The following GRID2 variants were observed in gnomAD, a reference collection of about 807,000 sequenced individuals.
The protein encoded by GRID2 is glutamate ionotropic receptor delta type subunit 2.
In GRID2, 33 loss-of-function variants were observed where a neutral mutation model predicts 114.8. The observed-to-expected ratio is 0.29, with a 90% CI of 0.22 to 0.38. GRID2 has a LOEUF of 0.38. Ranked by LOEUF, GRID2 falls within the 10% of genes least tolerant of loss-of-function variation. The pLI, the probability that GRID2 is intolerant of heterozygous loss-of-function variation, is 1.00. For missense variants in GRID2, 1,184 were observed against 1,257.7 expected (o/e 0.94, Z 0.89); for synonymous variants, 505 against 449.9 (o/e 1.12, Z -1.55).
Position 93,748,950 on chromosome 4 carries a change from C to T in GRID2, c.2361-20260C>T, listed in dbSNP as rs1225000244. On this transcript the variant is annotated intron_variant, in intron 14 of 15. Transcript: ENST00000282020. ...GTAATAAATGTTAAGCAAACCAGAGCCACCATTGCATAGGTAGGGGTATTC... is the reference window on the plus strand; with the variant it reads ...GTAATAAATGTTAAGCAAACCAGAGTCACCATTGCATAGGTAGGGGTATTC... Among the ~76,000 whole-genome samples the T allele has an allele frequency of 5.9e-5, 9 of 152,204 alleles. No homozygotes were observed. In the East Asian group the frequency reaches 1.7e-3, roughly 29 times the overall value.
chr4:93,247,368 A>G (rs1198027847), intron 8 of GRID2, among the ~76,000 whole-genome samples: 3 of 152,116 alleles, frequency 2.0e-5, no homozygotes, highest in Non-Finnish European at 2.9e-5. Context: ...AGATTACCTC[A>G]CCCATACGGA....
At chr4:92,472,666 C>G (rs1209278646) in intron 1 of GRID2, among the ~76,000 whole-genome samples, 3 of 152,078 alleles carry the variant, frequency 2.0e-5, no homozygotes, top group African/African-American at 7.2e-5. Flanking sequence ...ATTTGCATCT[C>G]CCTAATGACA....
chr4:93,715,928 C>T (rs1338485000), intron 14 of GRID2, among the ~76,000 whole-genome samples: 1 of 152,160 alleles, frequency 6.6e-6, no homozygotes, highest in Admixed American at 6.6e-5. Flanking sequence ...ATTTCTTTCT[C>T]TTGCCTAATT....
chr4:93,072,273 A>C (rs1255441136), intron 2 of GRID2, among the ~76,000 whole-genome samples: 1 of 152,182 alleles, frequency 6.6e-6, no homozygotes, highest in Non-Finnish European at 1.5e-5. Flanking sequence ...AGAGAGACAG[A>C]ACACAAAACA....
At chr4:93,405,480 C>A (rs1766321250) in intron 9 of GRID2, among the ~76,000 whole-genome samples, 1 of 152,078 alleles carries the variant, frequency 6.6e-6, no homozygotes. Flanking sequence ...AACCTGAATT[C>A]TTAGACTAAT....
chr4:92,904,918 A>G (rs1747840168), intron 2 of GRID2, among the ~76,000 whole-genome samples: 1 of 152,068 alleles, frequency 6.6e-6, no homozygotes, highest in Non-Finnish European at 1.5e-5. Flanking sequence ...ATAGTAGATC[A>G]TGTTAATCTA....
exon 2 of GRID2, chr4:93,809,981 T>A (rs1229226700): frequency 6.6e-6 from 1 of 152,296 alleles, no homozygotes; most frequent in African/African-American, 2.4e-5. Flanking sequence ...GAAGAAAAGC[T>A]GTTGCTGAAA....
intron 13 of GRID2, among the ~76,000 whole-genome samples, chr4:93,583,369 A>T (rs996077260): frequency 6.6e-6 from 1 of 152,044 alleles, no homozygotes; most frequent in Non-Finnish European, 1.5e-5. Context: ...AATAACAGCA[A>T]ATCATTAGCT....
chr4:92,916,339 T>G (rs1309058817), intron 2 of GRID2, among the ~76,000 whole-genome samples: 2 of 152,182 alleles, frequency 1.3e-5, no homozygotes, highest in South Asian at 4.1e-4. Context: ...GATCATTGTC[T>G]CTGTAATTTT....
intron 8 of GRID2, among the ~76,000 whole-genome samples, chr4:93,311,591 C>T (rs1332822345): frequency 6.6e-6 from 1 of 152,146 alleles, no homozygotes; most frequent in Non-Finnish European, 1.5e-5. Context: ...GTACTGGTTA[C>T]TGGGAGAGAG....
chr4:92,879,899 G>A (rs1040239568), intron 2 of GRID2, among the ~76,000 whole-genome samples: 1 of 152,120 alleles, frequency 6.6e-6, no homozygotes, highest in African/African-American at 2.4e-5. Context: ...ATAGTGCTCC[G>A]AATTAATGAA....
intron 1 of GRID2, among the ~76,000 whole-genome samples, chr4:92,560,272 C>T (rs995534298): frequency 6.6e-5 from 10 of 152,128 alleles, no homozygotes; most frequent in Admixed American, 2.6e-4. Flanking sequence ...AGATAGCCTC[C>T]CATTAGAACC....
chr4:93,083,359 G>T (rs1730044733), intron 2 of GRID2, among the ~76,000 whole-genome samples: 1 of 151,954 alleles, frequency 6.6e-6, no homozygotes, highest in African/African-American at 2.4e-5. Flanking sequence ...TAGAACATAT[G>T]ATTTTTGCTA....
chr4:92,863,256 T>C (rs993759368), intron 2 of GRID2, among the ~76,000 whole-genome samples: 2 of 152,126 alleles, frequency 1.3e-5, no homozygotes, highest in Non-Finnish European at 2.9e-5. Context: ...GTGAGTTAAT[T>C]GCCTTTTAAA....
At chr4:93,410,313 G>A (rs538588870) in intron 9 of GRID2, among the ~76,000 whole-genome samples, 4 of 151,996 alleles carry the variant, frequency 2.6e-5, no homozygotes, top group Admixed American at 2.0e-4. Flanking sequence ...TTCTTTTCTC[G>A]TGTAAGTGTC....
intron 8 of GRID2, chr4:93,318,816 CA>C (rs1756942300): frequency 6.6e-6 from 1 of 152,110 alleles, no homozygotes; most frequent in African/African-American, 2.4e-5. Flanking sequence ...AGGGGCAAGG[CA>C]TGGCTGGAGT....
intron 2 of GRID2, among the ~76,000 whole-genome samples, chr4:93,074,525 A>T (rs548839448): frequency 2.8e-4 from 43 of 152,316 alleles, no homozygotes; most frequent in Admixed American, 5.9e-4. Flanking sequence ...AATTTATAGG[A>T]CTAAATGTCT....
chr4:93,327,748 AG>A (rs960908038), intron 8 of GRID2, among the ~76,000 whole-genome samples: 4 of 148,466 alleles, frequency 2.7e-5, no homozygotes, highest in Non-Finnish European at 5.9e-5. Context: ...GTGGGGGTCA[AG>A]TGGGGGGATG....
chr4:93,561,995 T>C (rs550199917), intron 13 of GRID2, among the ~76,000 whole-genome samples: 1 of 152,266 alleles, frequency 6.6e-6, no homozygotes, highest in South Asian at 2.1e-4. Context: ...AACATTCATG[T>C]GCAAGCTTTT....
Sources: allele counts gnomAD v4.1 joint callset (sites outside exome capture counted in the v4.1 genomes callset), GRCh38; gene constraint gnomAD v4.1.1; transcripts MANE v1.5; gene names NCBI Gene and HGNC (gene_info 2026-07-23, HGNC 2026-07-21).